LRMDA: variants seen among roughly 807,000 people sequenced by gnomAD.
LRMDA encodes the protein leucine rich melanocyte differentiation associated, also known as leucine-rich melanocyte differentiation-associated protein.
In LRMDA, 18 loss-of-function variants were observed where a neutral mutation model predicts 29.8. That is an observed-to-expected ratio of 0.60 (90% confidence interval 0.42 to 0.90). The LOEUF (loss-of-function observed/expected upper bound fraction) is 0.90, where lower values mean the gene tolerates loss of function less well. Ranked by LOEUF, LRMDA falls within the 40% of genes least tolerant of loss-of-function variation. The pLI is 0.00. For synonymous variants in LRMDA, 125 were observed against 109.4 expected (o/e 1.14, Z -0.89); for missense variants, 273 against 273.9 (o/e 1.00, Z 0.02).
At chr10:76,443,916 C>T (rs1406748213) in intron 6 of LRMDA, among the ~76,000 whole-genome samples, 1 of 152,106 alleles carries the variant, frequency 6.6e-6, no homozygotes, top group Admixed American at 6.6e-5. Context: ...TATTAAGCAC[C>T]TTTCTAAGTC....
chr10:75,724,002 T>C (rs1842600876), intron 2 of LRMDA, among the ~76,000 whole-genome samples: 1 of 152,192 alleles, frequency 6.6e-6, no homozygotes, highest in Non-Finnish European at 1.5e-5. Context: ...ATCCTTTGAT[T>C]TGCTATGAAA....
At chr10:76,130,663 A>G (rs1313862256) in intron 5 of LRMDA, among the ~76,000 whole-genome samples, 1 of 151,840 alleles carries the variant, frequency 6.6e-6, no homozygotes, top group Non-Finnish European at 1.5e-5. Context: ...AGCTTAGCCT[A>G]TCTTTTTTTT....
At chr10:76,334,907 T>C (rs1232549918) in intron 6 of LRMDA, among the ~76,000 whole-genome samples, 2 of 152,132 alleles carry the variant, frequency 1.3e-5, no homozygotes, top group Non-Finnish European at 2.9e-5. Flanking sequence ...TACAGTCTAA[T>C]TGGAGACAAG....
At chr10:75,783,000 G>T in intron 2 of LRMDA, 1 of 1,614,062 alleles carries the variant, frequency 6.2e-7, no homozygotes. Context: ...GTCACTCAGC[G>T]GCAATCATTC....
chr10:76,107,256 A>T (rs916584858), intron 5 of LRMDA, among the ~76,000 whole-genome samples: 1 of 152,156 alleles, frequency 6.6e-6, no homozygotes, highest in African/African-American at 2.4e-5. Context: ...TTGGTAAAAC[A>T]AATTTCTGGG....
At chr10:75,588,900 A>G (rs555939430) in intron 2 of LRMDA, among the ~76,000 whole-genome samples, 7 of 152,280 alleles carry the variant, frequency 4.6e-5, no homozygotes, top group Middle Eastern at 3.4e-3. Context: ...GCTTTTTTGC[A>G]TAACAAAAAT....
chr10:76,542,557 GTC>G (rs1343939501), intron 6 of LRMDA, among the ~76,000 whole-genome samples: 3 of 152,152 alleles, frequency 2.0e-5, no homozygotes, highest in African/African-American at 7.2e-5. Flanking sequence ...CGTTCAGTGA[GTC>G]TATCTTCCCT....
intron 5 of LRMDA, among the ~76,000 whole-genome samples, chr10:76,104,205 G>A (rs1849442375): frequency 6.6e-6 from 1 of 152,120 alleles, no homozygotes; most frequent in South Asian, 2.1e-4. Flanking sequence ...CCCAAGCAGG[G>A]AAGGACCATG....
At chr10:75,792,050 G>A (rs1319528752) in intron 2 of LRMDA, among the ~76,000 whole-genome samples, 1 of 151,518 alleles carries the variant, frequency 6.6e-6, no homozygotes, top group Admixed American at 6.6e-5. Flanking sequence ...TAGTAGAGAT[G>A]GGGTTTCACT....
intron 6 of LRMDA, among the ~76,000 whole-genome samples, chr10:76,555,806 C>T (rs912545804): frequency 1.3e-4 from 19 of 146,266 alleles, no homozygotes; most frequent in Non-Finnish European, 2.5e-4. Flanking sequence ...GTTGGTTTCA[C>T]ACTATCACAC....
At chr10:75,945,983 A>G (rs1254603223) in intron 2 of LRMDA, among the ~76,000 whole-genome samples, 2 of 152,212 alleles carry the variant, frequency 1.3e-5, no homozygotes, top group African/African-American at 4.8e-5. Context: ...CTCTTTTGTT[A>G]GGCCAAGTTA....
At chr10:76,338,164 G>A (rs1840992886) in intron 6 of LRMDA, among the ~76,000 whole-genome samples, 1 of 151,492 alleles carries the variant, frequency 6.6e-6, no homozygotes, top group African/African-American at 2.4e-5. Flanking sequence ...TTTCCTGCAA[G>A]ATCACAGCCC....
chr10:75,765,828 G>C (rs1042290891), intron 2 of LRMDA, among the ~76,000 whole-genome samples: 3 of 134,990 alleles, frequency 2.2e-5, no homozygotes, highest in Non-Finnish European at 4.6e-5. Context: ...CTCTCCAGCC[G>C]CTGGGGTGCC....
At chr10:76,262,087 A>G (rs1311402778) in intron 5 of LRMDA, among the ~76,000 whole-genome samples, 2 of 152,082 alleles carry the variant, frequency 1.3e-5, no homozygotes, top group East Asian at 3.9e-4. Context: ...TAATAATAAT[A>G]AATTAATCAG....
chr10:76,340,674 G>A (rs1339514181), intron 6 of LRMDA, among the ~76,000 whole-genome samples: 1 of 151,994 alleles, frequency 6.6e-6, no homozygotes, highest in Non-Finnish European at 1.5e-5. Context: ...GCATATGAAA[G>A]AGGGATTTAA....
intron 5 of LRMDA, among the ~76,000 whole-genome samples, chr10:76,111,132 C>T (rs1352154457): frequency 3.3e-5 from 5 of 152,198 alleles, no homozygotes; most frequent in Admixed American, 1.3e-4. Context: ...GTTATCACTT[C>T]CCCTGGGCAG....
chr10:76,332,768 AG>A (rs1223488034), intron 6 of LRMDA, among the ~76,000 whole-genome samples: 2 of 152,232 alleles, frequency 1.3e-5, no homozygotes, highest in African/African-American at 2.4e-5. Flanking sequence ...CTATGAGCAC[AG>A]TCATTCAAGA....
chr10:76,483,354 T>C (rs1031901022), intron 6 of LRMDA, among the ~76,000 whole-genome samples: 2 of 151,972 alleles, frequency 1.3e-5, no homozygotes, highest in African/African-American at 2.4e-5. Context: ...AAGGCAGAAC[T>C]CTTTGTTACT....
chr10:75,656,934 G>A (rs553834178), intron 2 of LRMDA, among the ~76,000 whole-genome samples: 59 of 152,236 alleles, frequency 3.9e-4, no homozygotes, highest in Non-Finnish European at 7.9e-4. Context: ...TGTTTAAAGC[G>A]GCTTAACGGG....
Sources: gnomAD v4.1 joint callset for allele counts (sites outside exome capture counted in the v4.1 genomes callset) on GRCh38, gnomAD v4.1.1 for gene constraint, MANE v1.5 for transcripts, NCBI Gene and HGNC (gene_info 2026-07-23, HGNC 2026-07-21) for gene names.